The following BBS9 variants were observed in gnomAD, a reference collection of about 807,000 sequenced individuals.
BBS9 encodes the protein Bardet-Biedl syndrome 9.
BBS9 carries 89 observed loss-of-function variants against 117.7 expected under a neutral mutation model. That is an observed-to-expected ratio of 0.76 (90% confidence interval 0.64 to 0.90). BBS9 has a LOEUF of 0.90. BBS9 is among the 40% of genes least tolerant of loss of function. BBS9 has a pLI of 0.00. For synonymous variants in BBS9, 379 were observed against 370.9 expected (o/e 1.02, Z -0.25); for missense variants, 982 against 1,042.2 (o/e 0.94, Z 0.80).
chr7:33,612,968 A>G (rs1225022599), intron 21 of BBS9, among the ~76,000 whole-genome samples: 4 of 151,412 alleles, frequency 2.6e-5, no homozygotes, highest in African/African-American at 4.9e-5. Flanking sequence ...ATAGAGATCT[A>G]TTCATTCAAC....
At chr7:33,517,596 A>G (rs1316478452) in intron 20 of BBS9, among the ~76,000 whole-genome samples, 4 of 152,122 alleles carry the variant, frequency 2.6e-5, no homozygotes, top group Non-Finnish European at 5.9e-5. Flanking sequence ...TCCACTTTTC[A>G]TCACGTTTTG....
At position 33,596,007 on chromosome 7, in the gene BBS9, A is replaced by G. The variant is rs193062443; in HGVS notation, c.2522-8858A>G. 1.1e-3 allele frequency among the ~76,000 whole-genome samples: 161 copies of G among 152,022 alleles called. 2 individuals are homozygous for G. Among genetic ancestry groups the G allele is most frequent in the South Asian group, 9.4e-3 (45 of 4,804 alleles). ...GGACACAAGGAGGGGAACAACACAC[A>G]CTGGGGCCAGTCATGGGGTTGGAGG... is the stretch of plus-strand genomic sequence containing the variant. On this transcript the variant is annotated intron_variant, in intron 21 of 22. Transcript: ENST00000242067.
At chr7:33,479,292 GT>G (rs1214958836) in intron 19 of BBS9, among the ~76,000 whole-genome samples, 1 of 151,924 alleles carries the variant, frequency 6.6e-6, no homozygotes, top group African/African-American at 2.4e-5. Flanking sequence ...TCCCATCTTT[GT>G]GTCCATGTGT....
chr7:33,429,167 G>A (rs1428643939), intron 19 of BBS9, among the ~76,000 whole-genome samples: 1 of 151,954 alleles, frequency 6.6e-6, no homozygotes, highest in Non-Finnish European at 1.5e-5. Flanking sequence ...ATTGGCATAT[G>A]TGTAGCAGTT....
At chr7:33,584,175 A>T (rs1483161070) in intron 21 of BBS9, among the ~76,000 whole-genome samples, 1 of 151,998 alleles carries the variant, frequency 6.6e-6, no homozygotes, top group Non-Finnish European at 1.5e-5. Context: ...TATATTTTAC[A>T]TGTATTTTGT....
intron 21 of BBS9, among the ~76,000 whole-genome samples, chr7:33,615,411 T>G (rs1273979037): frequency 6.6e-6 from 1 of 151,960 alleles, no homozygotes; most frequent in African/African-American, 2.4e-5. Flanking sequence ...ATTCTAAGAA[T>G]TAAGAAGTGC....
chr7:33,437,566 A>T (rs1429038751), intron 19 of BBS9, among the ~76,000 whole-genome samples: 1 of 152,196 alleles, frequency 6.6e-6, no homozygotes, highest in Non-Finnish European at 1.5e-5. Flanking sequence ...ATAACTGTGT[A>T]TATGTCCAGC....
chr7:33,174,135 C>A (rs1796994029), intron 4 of BBS9, among the ~76,000 whole-genome samples: 1 of 152,142 alleles, frequency 6.6e-6, no homozygotes. Flanking sequence ...CTTCCAAACC[C>A]AGTTTGGATC....
At chr7:33,322,064 G>A (rs570549166) in intron 9 of BBS9, among the ~76,000 whole-genome samples, 79 of 151,994 alleles carry the variant, frequency 5.2e-4, no homozygotes, top group Non-Finnish European at 9.0e-4. Context: ...GCATCCTAGG[G>A]ATATATCCCA....
intron 6 of BBS9, among the ~76,000 whole-genome samples, chr7:33,258,375 A>G (rs1472782356): frequency 2.0e-5 from 3 of 152,238 alleles, no homozygotes; most frequent in Admixed American, 1.3e-4. Flanking sequence ...TAACAAGTTA[A>G]TGCAGCTTTC....
intron 5 of BBS9, among the ~76,000 whole-genome samples, chr7:33,222,420 A>G (rs1790414236): frequency 6.6e-6 from 1 of 152,140 alleles, no homozygotes; most frequent in Non-Finnish European, 1.5e-5. Flanking sequence ...AGGGAATTCT[A>G]ATAACATAGG....
intron 4 of BBS9, among the ~76,000 whole-genome samples, chr7:33,165,242 C>G (rs569642484): frequency 6.6e-6 from 1 of 152,328 alleles, no homozygotes; most frequent in African/African-American, 2.4e-5. Context: ...CCTGACCTTT[C>G]TTTCTGGCTG....
At chr7:33,450,251 A>T (rs1837602377) in intron 19 of BBS9, among the ~76,000 whole-genome samples, 1 of 152,138 alleles carries the variant, frequency 6.6e-6, no homozygotes, top group African/African-American at 2.4e-5. Flanking sequence ...TATATGCCAT[A>T]CCCTAGTTTC....
chr7:33,565,823 AT>A (rs1856818990), intron 21 of BBS9, among the ~76,000 whole-genome samples: 1 of 49,448 alleles, frequency 2.0e-5, no homozygotes, highest in Non-Finnish European at 3.2e-5. Context: ...ATATATATAT[AT>A]ATACCGCTAT....
intron 19 of BBS9, among the ~76,000 whole-genome samples, chr7:33,425,836 G>C (rs879389659): frequency 6.6e-6 from 1 of 152,122 alleles, no homozygotes; most frequent in Non-Finnish European, 1.5e-5. Context: ...AGTGTCTTTT[G>C]CTGCTCACTT....
At chr7:33,629,666 G>A (rs1865796752) in intron 21 of BBS9, among the ~76,000 whole-genome samples, 1 of 152,066 alleles carries the variant, frequency 6.6e-6, no homozygotes, top group Non-Finnish European at 1.5e-5. Flanking sequence ...TTCCCTTTTA[G>A]GTATTTTAAA....
At chr7:33,240,407 G>A (rs886906742) in intron 5 of BBS9, among the ~76,000 whole-genome samples, 3 of 151,822 alleles carry the variant, frequency 2.0e-5, no homozygotes, top group East Asian at 3.9e-4. Flanking sequence ...ACAGGCAGGC[G>A]CCACCATGCC....
intron 15 of BBS9, among the ~76,000 whole-genome samples, chr7:33,357,084 T>C (rs1235128456): frequency 6.6e-6 from 1 of 151,810 alleles, no homozygotes; most frequent in Non-Finnish European, 1.5e-5. Context: ...TGTAAAAATA[T>C]TGAAAATGAT....
chr7:33,160,515 A>G (rs762205797), intron 4 of BBS9, among the ~76,000 whole-genome samples: 4 of 152,194 alleles, frequency 2.6e-5, no homozygotes, highest in Non-Finnish European at 5.9e-5. Flanking sequence ...TCTATTGTTC[A>G]TGGAAGCATA....
Sources: allele counts gnomAD v4.1 joint callset (sites outside exome capture counted in the v4.1 genomes callset), GRCh38; gene constraint gnomAD v4.1.1; transcripts MANE v1.5; gene names NCBI Gene and HGNC (gene_info 2026-07-23, HGNC 2026-07-21).